Variants in CRB1 observed in about 807,000 individuals in gnomAD.
CRB1 encodes the protein crumbs cell polarity complex component 1.
In CRB1, 83 loss-of-function variants were observed where a neutral mutation model predicts 120.0. The ratio of observed to expected loss-of-function variants is 0.69; its 90% CI spans 0.58 to 0.83. CRB1 has a LOEUF of 0.83. Ranked by LOEUF, CRB1 falls within the 40% of genes least tolerant of loss-of-function variation. CRB1 has a pLI of 0.00. For missense variants in CRB1, 1,699 were observed against 1,687.6 expected (o/e 1.01, Z -0.12); for synonymous variants, 625 against 612.5 (o/e 1.02, Z -0.30).
chr1:197,470,786 T>C (rs781508277), intron 11 of CRB1, among the ~76,000 whole-genome samples: 1 of 152,268 alleles, frequency 6.6e-6, no homozygotes, highest in Non-Finnish European at 1.5e-5. Context: ...TGCCAGGGAC[T>C]GTTTGGCCCA....
At chr1:197,325,979 A>C (rs925774220) in intron 1 of CRB1, among the ~76,000 whole-genome samples, 2 of 152,190 alleles carry the variant, frequency 1.3e-5, no homozygotes, top group African/African-American at 4.8e-5. Flanking sequence ...TTAGAGAGCT[A>C]GGGAGAGAAT....
intron 4 of CRB1, among the ~76,000 whole-genome samples, chr1:197,349,859 G>A (rs2125337394): frequency 6.6e-6 from 1 of 152,160 alleles, no homozygotes; most frequent in African/African-American, 2.4e-5. Flanking sequence ...CCAGCACTTT[G>A]GGAGGCCGAG....
chr1:197,265,989 C>CCTTGAT (rs1302277824), upstream of CRB1, among the ~76,000 whole-genome samples: 3 of 152,082 alleles, frequency 2.0e-5, no homozygotes, highest in African/African-American at 7.2e-5. Flanking sequence ...AATCAAACTT[C>CCTTGAT]CTTGATTTTG....
the CRB1 span, among the ~76,000 whole-genome samples, chr1:197,235,073 A>G: frequency 6.6e-6 from 1 of 152,240 alleles, no homozygotes; most frequent in Non-Finnish European, 1.5e-5. Flanking sequence ...GATAGTATGC[A>G]TTTTAAATCT....
the CRB1 span, among the ~76,000 whole-genome samples, chr1:197,214,186 A>G: frequency 6.6e-6 from 1 of 152,204 alleles, no homozygotes; most frequent in African/African-American, 2.4e-5. Flanking sequence ...AAGACTCAAA[A>G]CCAGAAATGA....
intron 5 of CRB1, among the ~76,000 whole-genome samples, chr1:197,407,498 T>G (rs2125445279): frequency 6.6e-6 from 1 of 152,364 alleles, no homozygotes; most frequent in South Asian, 2.1e-4. Context: ...TTTGTGTCTC[T>G]GAAAGTGTTT....
intron 5 of CRB1, among the ~76,000 whole-genome samples, chr1:197,360,189 A>C (rs886926380): frequency 1.3e-5 from 2 of 152,198 alleles, no homozygotes; most frequent in Non-Finnish European, 2.9e-5. Flanking sequence ...CCAAGAGATA[A>C]AGCGTCCTCG....
intron 4 of CRB1, among the ~76,000 whole-genome samples, chr1:197,354,809 TGCCCCCCGCCCCCCCA>T (rs1660352893): frequency 1.0e-4 from 2 of 19,802 alleles, no homozygotes; most frequent in Non-Finnish European, 1.9e-4. Context: ...TTCCCTTATC[TGCCCCCCGCCCCCCCA>T]CCCCCCCCCC....
intron 5 of CRB1, among the ~76,000 whole-genome samples, chr1:197,388,634 T>C (rs1662340575): frequency 6.6e-6 from 1 of 152,074 alleles, no homozygotes; most frequent in Admixed American, 6.6e-5. Context: ...AAGTAGAAGA[T>C]AAGATGGCTA....
intron 5 of CRB1, among the ~76,000 whole-genome samples, chr1:197,400,389 G>T (rs1663001744): frequency 6.7e-6 from 1 of 148,630 alleles, no homozygotes; most frequent in Non-Finnish European, 1.5e-5. Flanking sequence ...TTGGCTCACT[G>T]CAGCCTGCAG....
chr1:197,474,023 T>C lies in CRB1; in HGVS notation c.4006-3641T>C, dbSNP rs369226891. Among the ~76,000 whole-genome samples the C allele has an allele frequency of 2.6e-4, 40 of 152,282 alleles. No individual in the cohort carries two copies. In the East Asian group the frequency reaches 6.0e-3, roughly 23 times the overall value. On this transcript the variant is annotated intron_variant, in intron 11 of 11. Coordinates refer to ENST00000367400, the MANE Select transcript of CRB1 (RefSeq NM_201253.3). ...CTTTATATGAGGCTGGGAATTGCAA[T>C]ATTAGGTTTGTAGGTTGGCTCCCTT... is the stretch of plus-strand genomic sequence containing the variant.
At chr1:197,252,564 ATATATATATATATATATATGTGTGTG>A in the CRB1 span, among the ~76,000 whole-genome samples, 1 of 43,706 alleles carries the variant, frequency 2.3e-5, no homozygotes, top group South Asian at 9.8e-4. Context: ...ATATATATAT[ATATATATATATATATATATGTGTGTG>A]TGTGTGTGTG....
At chr1:197,455,943 C>T (rs1003779235) in intron 11 of CRB1, among the ~76,000 whole-genome samples, 1 of 151,890 alleles carries the variant, frequency 6.6e-6, no homozygotes, top group African/African-American at 2.4e-5. Flanking sequence ...ATATAATATC[C>T]AAAACCAAAT....
chr1:197,288,401 A>G (rs1655961972), intron 1 of CRB1, among the ~76,000 whole-genome samples: 1 of 151,882 alleles, frequency 6.6e-6, no homozygotes. Flanking sequence ...TGCTTAACAA[A>G]TCTTAAAAGC....
At chr1:197,268,004 A>T (rs1654696961), upstream of CRB1, among the ~76,000 whole-genome samples, 1 of 152,208 alleles carries the variant, frequency 6.6e-6, no homozygotes, top group Non-Finnish European at 1.5e-5. Context: ...TTCCTTTAAA[A>T]GTTGCCAGAT....
chr1:197,390,477 G>T (rs939260837), intron 5 of CRB1, among the ~76,000 whole-genome samples: 28 of 152,042 alleles, frequency 1.8e-4, no homozygotes, highest in African/African-American at 5.8e-4. Flanking sequence ...CTCCTGGGCA[G>T]TAGAAAGATG....
At chr1:197,296,371 A>G (rs1378001186) in intron 1 of CRB1, among the ~76,000 whole-genome samples, 10 of 152,074 alleles carry the variant, frequency 6.6e-5, no homozygotes. Flanking sequence ...TCATCATGGT[A>G]AATGATTTAA....
chr1:197,269,340 G>A (rs1230699511), intron 1 of CRB1, among the ~76,000 whole-genome samples: 2 of 152,230 alleles, frequency 1.3e-5, no homozygotes, highest in African/African-American at 4.8e-5. Flanking sequence ...GTCACCTTCT[G>A]TGGCTGCACC....
Position 197,435,585 on chromosome 1 carries a change from T to C in CRB1, c.3722T>C (p.Phe1241Ser). 1 of 1,613,072 alleles carries C rather than the reference T, an allele frequency of 6.2e-7. No homozygotes were observed. Among genetic ancestry groups the C allele is most frequent in the Admixed American group, 1.7e-5 (1 of 59,848 alleles). The part of the protein sequence containing the change: ...SHTNGYSCLC[F>S]GNFTGKFCRQ... ...ACTAATGGCTATTCTTGCCTCTGTT[T>C]TGGAAATTTTACAGGAAAATTTTGC... The change falls in exon 9 of 12, where the codon TTT becomes TCT. Residue 1241 changes from phenylalanine (F) to serine (S), a missense_variant. Transcript: ENST00000367400.
Sources: gnomAD v4.1 joint callset for allele counts (sites outside exome capture counted in the v4.1 genomes callset) on GRCh38, gnomAD v4.1.1 for gene constraint, MANE v1.5 for transcripts, NCBI Gene and HGNC (gene_info 2026-07-23, HGNC 2026-07-21) for gene names.